The following SSX2IP variants were observed in gnomAD, a reference collection of about 807,000 sequenced individuals.
The protein encoded by SSX2IP is SSX family member 2 interacting protein.
SSX2IP carries 55 observed loss-of-function variants against 84.9 expected under a neutral mutation model. That is an observed-to-expected ratio of 0.65 (90% CI 0.52 to 0.81). The LOEUF is 0.81. Ranked by LOEUF, SSX2IP falls within the 30% of genes least tolerant of loss-of-function variation. The probability of loss-of-function intolerance (pLI) is 0.00; values close to 1 mark genes in which losing one functional copy is unlikely to be tolerated. For synonymous variants in SSX2IP, 239 were observed against 234.7 expected (o/e 1.02, Z -0.17); for missense variants, 664 against 705.2 (o/e 0.94, Z 0.66).
chr1:84,674,292 A>G (rs538068546), intron 1 of SSX2IP, among the ~76,000 whole-genome samples: 1 of 151,930 alleles, frequency 6.6e-6, no homozygotes, highest in Non-Finnish European at 1.5e-5. Context: ...ATTAATCATC[A>G]TCATCATTAT....
chr1:84,654,003 C>T (rs879569938), intron 11 of SSX2IP, among the ~76,000 whole-genome samples: 7 of 151,792 alleles, frequency 4.6e-5, no homozygotes, highest in Admixed American at 4.6e-4. Flanking sequence ...TAAAACTGAC[C>T]CTGAAAGGCC....
chr1:84,647,452 TC>T lies in SSX2IP; in HGVS notation c.1825del (p.Glu609LysfsTer16). On this transcript the variant is annotated frameshift_variant, in exon 14 of 14. Transcript: ENST00000342203. LOFTEE classifies it high-confidence loss of function. ...CSLSYTNSHV[E>X]KDDLP ...ACATGTCTAAGGTAAGTCATCTTTT[TC>T]TACATGAGAATTTGTGTAGCTCAAG... 2 of 1,601,674 alleles carry T rather than the reference TC, an allele frequency of 1.2e-6. No homozygotes were observed. Among genetic ancestry groups the T allele is most frequent in the Non-Finnish European group, 1.7e-6 (2 of 1,174,336 alleles).
intron 8 of SSX2IP, among the ~76,000 whole-genome samples, chr1:84,660,761 C>G (rs1445088763): frequency 1.3e-5 from 2 of 151,342 alleles, no homozygotes; most frequent in Non-Finnish European, 2.9e-5. Context: ...GCAAAACTCT[C>G]TCTCAAAAAG....
chr1:84,655,753 A>C, intron 11 of SSX2IP, 79 bp downstream of exon 11: 2 of 1,504,910 alleles, frequency 1.3e-6, no homozygotes, highest in Non-Finnish European at 1.8e-6. Flanking sequence ...TAGCAAGAAA[A>C]AAAGGAGACC....
intron 1 of SSX2IP, among the ~76,000 whole-genome samples, chr1:84,679,357 T>C (rs1461380017): frequency 6.6e-6 from 1 of 152,240 alleles, no homozygotes; most frequent in African/African-American, 2.4e-5. Flanking sequence ...CTACTCTTTA[T>C]GAATTTAAAA....
Position 84,669,891 on chromosome 1 carries a change from T to C in SSX2IP, c.216A>G (p.Glu72=). The change falls in exon 4 of 14, where the codon GAA becomes GAG. Residue 72 remains glutamate (E), a splice_region_variant and synonymous_variant. Coordinates refer to ENST00000342203, the MANE Select transcript of SSX2IP (RefSeq NM_001166293.2). ...IEQSISYLDQ[E]LTTFGFPSLY... is the part of the protein sequence containing the mutation. ...ATGAAGGAAAACCAAAAGTAGTCAA[T>C]TCCTGGTAGGAGAAAATGTTTTCTT... is the stretch of plus-strand genomic sequence containing the variant. 1 of 1,611,498 alleles carries C rather than the reference T, an allele frequency of 6.2e-7. No homozygotes were observed. Among genetic ancestry groups the C allele is most frequent in the Non-Finnish European group, 8.5e-7 (1 of 1,178,506 alleles).
At chr1:84,673,225 A>G (rs1378498576) in intron 1 of SSX2IP, among the ~76,000 whole-genome samples, 1 of 152,190 alleles carries the variant, frequency 6.6e-6, no homozygotes, top group Non-Finnish European at 1.5e-5. Context: ...GTAATATGAG[A>G]GAGTATTAAG....
intron 1 of SSX2IP, among the ~76,000 whole-genome samples, chr1:84,672,323 T>C (rs1157149463): frequency 6.6e-6 from 1 of 151,986 alleles, no homozygotes; most frequent in African/African-American, 2.4e-5. Flanking sequence ...GGGAAAGCGG[T>C]TGTGTTGATC....
intron 1 of SSX2IP, among the ~76,000 whole-genome samples, chr1:84,689,711 G>A (rs745898505): frequency 4.6e-5 from 7 of 152,220 alleles, no homozygotes; most frequent in Non-Finnish European, 8.8e-5. Context: ...CTCAAAAAAT[G>A]TGCAGGGAGC....
At chr1:84,652,416 G>GT (rs1231908935) in intron 11 of SSX2IP, 3 of 95,900 alleles carry the variant, frequency 3.1e-5, no homozygotes, top group East Asian at 6.1e-4. Context: ...CGGCAAGACC[G>GT]TATCTCCAAA....
In SSX2IP at chr1:84,666,237, A is replaced by C. The variant is rs749155887; in HGVS notation, c.427-5T>G. The C allele has an allele frequency of 1.6e-5, 25 of 1,602,864 alleles. No homozygotes were observed. The highest frequency in any genetic ancestry group is 2.7e-5 in the African/African-American group (2 of 74,362). On this transcript the variant is annotated splice_polypyrimidine_tract_variant and splice_region_variant and intron_variant, in intron 4 of 13. Transcript: ENST00000342203. The stretch of plus-strand genomic sequence containing the variant: ...CCTGGAGGTTTCCAGTTGTTCCTAA[A>C]ACATTTATAAGCAATTTTGCTTAAA...
chr1:84,676,069 GCTTT>G (rs1654286936), intron 1 of SSX2IP, among the ~76,000 whole-genome samples: 2 of 152,146 alleles, frequency 1.3e-5, no homozygotes, highest in South Asian at 4.1e-4. Context: ...GGCAAAATAA[GCTTT>G]CTAAATTCCA....
In SSX2IP at chr1:84,662,470, C is replaced by T. The variant is rs778595001; in HGVS notation, c.734G>A (p.Gly245Asp). The T allele has an allele frequency of 2.0e-5, 32 of 1,613,864 alleles. No homozygotes were observed. The Admixed American group carries it at 3.7e-4, about 18-fold the overall frequency. The part of the protein sequence containing the change: ...ADGKRGSWRT[G>D]KTEARNEDEM... ...TGGACTTTACCTGGCTTCAGTTTTA[C>T]CAGTCCTCCAGGAGCCTCTTTTTCC... The change falls in exon 7 of 14, where the codon GGT (glycine) becomes GAT (aspartate). Residue 245 changes from glycine (G) to aspartate (D), a missense_variant. Gly to Asp is a moderately conservative substitution (Grantham distance 94, BLOSUM62 -1). Transcript: ENST00000342203.
chr1:84,678,434 T>C (rs565057950), intron 1 of SSX2IP, among the ~76,000 whole-genome samples: 1 of 152,160 alleles, frequency 6.6e-6, no homozygotes, highest in Non-Finnish European at 1.5e-5. Flanking sequence ...CATAACCTTC[T>C]CCAACTACTC....
chr1:84,651,211 G>A lies in SSX2IP; in HGVS notation c.1504+672C>T, dbSNP rs186855723. Among the ~76,000 whole-genome samples, 17 of 152,226 alleles carry A rather than the reference G, an allele frequency of 1.1e-4. No individual in the cohort carries two copies. The East Asian group carries it at 2.1e-3, about 19-fold the overall frequency. ...GTGTGCCTATAGTCTCAGCTACTCA[G>A]GAGGCTGAGGCAAGGAGGATTGCCT... is the stretch of plus-strand genomic sequence containing the variant. On this transcript the variant is annotated intron_variant, in intron 12 of 13. Coordinates refer to ENST00000342203, the MANE Select transcript of SSX2IP (RefSeq NM_001166293.2).
At chr1:84,676,404 C>T (rs1654337213) in intron 1 of SSX2IP, among the ~76,000 whole-genome samples, 1 of 152,082 alleles carries the variant, frequency 6.6e-6, no homozygotes, top group South Asian at 2.1e-4. Flanking sequence ...AAAAGCTTTA[C>T]CTTACTACTT....
intron 4 of SSX2IP, 30 bp from the exon 5 acceptor site, chr1:84,666,262 A>T: frequency 1.3e-6 from 2 of 1,540,816 alleles, no homozygotes; most frequent in Non-Finnish European, 1.8e-6. Flanking sequence ...TTTTGCTTAA[A>T]ATTAATAAAG....
At chr1:84,665,490 G>A (rs1213834260) in intron 5 of SSX2IP, among the ~76,000 whole-genome samples, 2 of 152,078 alleles carry the variant, frequency 1.3e-5, no homozygotes, top group Non-Finnish European at 2.9e-5. Context: ...TACATGGTCA[G>A]GGGTCATACT....
chr1:84,647,135 A>G lies in SSX2IP; in HGVS notation c.*298T>C, dbSNP rs1649543932. Reference sequence around the variant, plus strand: ...CAATAATCAGTTTCCTAAAAGTGCTATTTTTAATACCTATAAGAGGAAACT... The same window carrying G: ...CAATAATCAGTTTCCTAAAAGTGCTGTTTTTAATACCTATAAGAGGAAACT... On this transcript the variant is annotated 3_prime_UTR_variant, in exon 14 of 14. Coordinates refer to ENST00000342203, the MANE Select transcript of SSX2IP (RefSeq NM_001166293.2). 1 of 212,296 alleles carries G rather than the reference A, an allele frequency of 4.7e-6. No individual in the cohort carries two copies. The highest frequency in any genetic ancestry group is 2.3e-5 in the African/African-American group (1 of 43,998). 13.2% of individuals were successfully genotyped at this position (212,296 alleles called of 1,614,324 possible). A position where few individuals can be genotyped will look rare whatever the true frequency, so the allele number is the denominator to read the frequency against.
Sources: allele counts gnomAD v4.1 joint callset (sites outside exome capture counted in the v4.1 genomes callset), GRCh38; gene constraint gnomAD v4.1.1; transcripts MANE v1.5; gene names NCBI Gene and HGNC (gene_info 2026-07-23, HGNC 2026-07-21).